ECE2: variants seen among roughly 807,000 people sequenced by gnomAD.
The protein encoded by ECE2 is endothelin converting enzyme 2.
Under a neutral mutation model 100.6 loss-of-function variants are expected in ECE2, and 81 were observed. The ratio of observed to expected loss-of-function variants is 0.81; its 90% CI spans 0.67 to 0.97. ECE2 has a LOEUF of 0.97. ECE2 is among the 50% of genes least tolerant of loss of function. The pLI is 0.00. For missense variants in ECE2, 911 were observed against 988.1 expected, an observed-to-expected ratio of 0.92 and a Z score of 1.05; for synonymous variants, 391 against 391.5, an observed-to-expected ratio of 1.00 and a Z score of 0.02.
intron 16 of ECE2, 53 bp downstream of exon 16, chr3:184,290,913 C>T (rs1721280940): frequency 6.2e-7 from 1 of 1,612,160 alleles, no homozygotes; most frequent in African/African-American, 1.3e-5. Context: ...GTGGCTCCTG[C>T]AAGGCCTTGG....
At position 184,276,082 on chromosome 3, in the gene ECE2, G is replaced by C. The variant is rs1385427469; in HGVS notation, c.-72G>C. On this transcript the variant is annotated 5_prime_UTR_variant, in exon 1 of 19. Transcript: ENST00000404464. ...GGCTGGTGACGGCGGGGCCGGGCAG[G>C]GGACCGGGGCCGCGGCCCGGGAGCG... The C allele has an allele frequency of 1.5e-5, 18 of 1,235,550 alleles. No individual in the cohort carries two copies. In the East Asian group the frequency reaches 5.8e-4, roughly 40 times the overall value. 76.5% of individuals were successfully genotyped at this position (1,235,550 alleles called of 1,614,324 possible). A position where few individuals can be genotyped will look rare whatever the true frequency, so the allele number is the denominator to read the frequency against.
At position 184,285,532 on chromosome 3, in the gene ECE2, G is replaced by C; in HGVS notation, c.1203G>C (p.Leu401=). Reference sequence around the variant, plus strand: ...TGGTGCAAAAGACAACCTCAAGCCTGGACCGACGCTTTGAGTCTGCACAAG... The same window carrying C: ...TGGTGCAAAAGACAACCTCAAGCCTCGACCGACGCTTTGAGTCTGCACAAG... ...WNLVQKTTSS[L]DRRFESAQEK... Residue 401 remains leucine (L), a synonymous_variant, in exon 10 of 19, where the codon CTG becomes CTC. Transcript: ENST00000404464. The C allele has an allele frequency of 6.2e-7, 1 of 1,614,196 alleles. No homozygotes were observed. Among genetic ancestry groups the C allele is most frequent in the Non-Finnish European group, 8.5e-7 (1 of 1,180,038 alleles).
At chr3:184,288,309 C>CAAAAAAAAAAAAAAAAAAAAAAAAAA (rs10608428) in intron 11 of ECE2, among the ~76,000 whole-genome samples, 1 of 91,472 alleles carries the variant, frequency 1.1e-5, no homozygotes. Flanking sequence ...AACTCTGTCT[C>CAAAAAAAAAAAAAAAAAAAAAAAAAA]AAAAAAAAAA....
In ECE2 at chr3:184,292,472, TCACC is replaced by T; in HGVS notation, c.*236_*239del. 1 of 562,196 alleles carries T rather than the reference TCACC, an allele frequency of 1.8e-6. No individual in the cohort carries two copies. Among genetic ancestry groups the T allele is most frequent in the East Asian group, 2.9e-5 (1 of 34,306 alleles). The allele number at this position is 562,196 out of a possible 1,614,324, so 34.8% of individuals were successfully genotyped here. ...CCATTCACTGTGACATCTTTCCGTG[TCACC>T]CTGCCTGGAAGAGGTCTGGGTGGGG... On this transcript the variant is annotated 3_prime_UTR_variant, in exon 19 of 19. Transcript: ENST00000404464.
At position 184,291,818 on chromosome 3, in the gene ECE2, T is replaced by C; in HGVS notation, c.2122-244T>C. 3 of 551,654 alleles carry C rather than the reference T, an allele frequency of 5.4e-6. No homozygotes were observed. The highest frequency in any genetic ancestry group is 5.5e-5 in the South Asian group (2 of 36,542). 34.2% of individuals were successfully genotyped at this position (551,654 alleles called of 1,614,324 possible). ...TGTCCAGGGCTGCCCAGGAATAGAG[T>C]AAGTGGCAGAGCAAGGACCCAGGCA... is the stretch of plus-strand genomic sequence containing the variant. On this transcript the variant is annotated intron_variant, in intron 18 of 18. Transcript: ENST00000404464. This position sits in a 1 kb window ranked among gnomAD's most constrained non-coding sequence, Gnocchi z 4.1.
chr3:184,287,751 G>C lies in ECE2; in HGVS notation c.1264-86G>C, dbSNP rs1031270248. 2.5e-6 allele frequency: 3 copies of C among 1,205,510 alleles called. No homozygotes were observed. In the African/African-American group the frequency reaches 4.5e-5, roughly 18 times the overall value. 74.7% of individuals were successfully genotyped at this position (1,205,510 alleles called of 1,614,324 possible). A position where few individuals can be genotyped will look rare whatever the true frequency, so the allele number is the denominator to read the frequency against. ...CAGGACTCTTGTCCAGAGCTGAGAAGGGCTGCTAGCCCCAGTGACAGAGAA... is the reference window on the plus strand; with the variant it reads ...CAGGACTCTTGTCCAGAGCTGAGAACGGCTGCTAGCCCCAGTGACAGAGAA... On this transcript the variant is annotated intron_variant, in intron 10 of 18. Coordinates refer to ENST00000404464, the MANE Select transcript of ECE2 (RefSeq NM_001100121.2).
chr3:184,284,497 G>C (rs1720946761), intron 8 of ECE2, among the ~76,000 whole-genome samples: 1 of 149,008 alleles, frequency 6.7e-6, no homozygotes, highest in Non-Finnish European at 1.5e-5. Context: ...AGCTGAGATT[G>C]CGCCATTGCA....
rs1159561357 is a variant in ECE2 at position 184,277,451 on chromosome 3, C to T, written c.463C>T (p.Leu155=). The T allele has an allele frequency of 1.9e-6, 3 of 1,614,108 alleles. No homozygotes were observed. The highest frequency in any genetic ancestry group is 2.5e-6 in the Non-Finnish European group (3 of 1,179,982). ...CCTCTGGGACCAAAACCAGGCCATA[C>T]TGAAGCACCTGCTTGGTGAGTGGGG... is the stretch of plus-strand genomic sequence containing the variant. ...NSLWDQNQAI[L]KHLLENTTFN... is the part of the protein sequence containing the mutation. The change falls in exon 4 of 19, where the codon CTG becomes TTG. Residue 155 remains leucine, a synonymous_variant. Coordinates refer to ENST00000404464, the MANE Select transcript of ECE2 (RefSeq NM_001100121.2).
chr3:184,287,241 A>G (rs966583948), intron 10 of ECE2, among the ~76,000 whole-genome samples: 3 of 150,562 alleles, frequency 2.0e-5, no homozygotes, highest in African/African-American at 4.9e-5. Context: ...GCACCACTGC[A>G]CTCCAGTCTG....
In ECE2 at chr3:184,290,543, T is replaced by C; in HGVS notation, c.1656-14T>C. ...AGAGTCGGGAGCCTCAGCCCCTCAC[T>C]CTTCCTCCGCCAGGTGGAGCATGAC... is the stretch of plus-strand genomic sequence containing the variant. On this transcript the variant is annotated splice_polypyrimidine_tract_variant and intron_variant, in intron 14 of 18. Coordinates refer to ENST00000404464, the MANE Select transcript of ECE2 (RefSeq NM_001100121.2). 1 of 1,612,340 alleles carries C rather than the reference T, an allele frequency of 6.2e-7. No homozygotes were observed. The highest frequency in any genetic ancestry group is 1.1e-5 in the South Asian group (1 of 90,942).
rs768733803 is a variant in ECE2, at chr3:184,292,206, A to G, written c.2266A>G (p.Met756Val). The G allele has an allele frequency of 3.1e-6, 5 of 1,613,940 alleles. No individual in the cohort carries two copies. The highest frequency in any genetic ancestry group is 8.5e-7 in the Non-Finnish European group (1 of 1,180,018). ...RHFGCPVGSP[M>V]NPGQLCEVW is the part of the protein sequence containing the mutation. Reference sequence around the variant, plus strand: ...CTTCGGCTGCCCTGTCGGCTCCCCCATGAACCCAGGGCAGCTGTGTGAGGT... The same window carrying G: ...CTTCGGCTGCCCTGTCGGCTCCCCCGTGAACCCAGGGCAGCTGTGTGAGGT... The change falls in exon 19 of 19, where the codon ATG (methionine) becomes GTG (valine). Residue 756 changes from methionine to valine, a missense_variant. Physicochemically the swap from Met to Val is conservative, Grantham distance 21. Coordinates refer to ENST00000404464, the MANE Select transcript of ECE2 (RefSeq NM_001100121.2).
rs73887428 is a variant in ECE2 at position 184,278,584 on chromosome 3, C to T, written c.816+27C>T. On this transcript the variant is annotated intron_variant, in intron 7 of 18. Coordinates refer to ENST00000404464, the MANE Select transcript of ECE2 (RefSeq NM_001100121.2). The stretch of plus-strand genomic sequence containing the variant: ...TAAGGAACATCTTCCGAACCCCCAT[C>T]CCTACCCCTGGCTGAGCTGGGCTGA... The T allele has an allele frequency of 4.4e-4, 707 of 1,613,144 alleles. 5 individuals carry two copies. The African/African-American group carries it at 8.6e-3, about 20-fold the overall frequency.
At position 184,278,329 on chromosome 3, in the gene ECE2, A is replaced by G; in HGVS notation, c.750+16A>G. ...TGTTATCCAGGTGATGAGCTGGGAAAGGGTGGGGAGAGACTTAGGGACACT... is the reference window on the plus strand; with the variant it reads ...TGTTATCCAGGTGATGAGCTGGGAAGGGGTGGGGAGAGACTTAGGGACACT... On this transcript the variant is annotated intron_variant, in intron 6 of 18. Transcript: ENST00000404464. 6.2e-7 allele frequency: 1 copy of G among 1,612,876 alleles called. No individual in the cohort carries two copies. The highest frequency in any genetic ancestry group is 8.5e-7 in the Non-Finnish European group (1 of 1,179,402).
rs923311679 is a variant in ECE2, at chr3:184,279,837, A to G, written c.816+1280A>G. ...GGAGTTTATTCTGTAGCTCCCGGAG[A>G]GCCATTGCATGCTCCAAAGTAGGGA... On this transcript the variant is annotated intron_variant, in intron 7 of 18. Coordinates refer to ENST00000404464, the MANE Select transcript of ECE2 (RefSeq NM_001100121.2). Among the ~76,000 whole-genome samples, 3 of 152,162 alleles carry G rather than the reference A, an allele frequency of 2.0e-5. No homozygotes were observed. In the South Asian group the frequency reaches 6.2e-4, roughly 32 times the overall value.
Position 184,278,188 on chromosome 3 carries a change from G to A in ECE2, c.625G>A (p.Gly209Arg), listed in dbSNP as rs1270644579. The part of the protein sequence containing the change: ...IEKIGGWNIT[G>R]PWDQDNFMEV... ...ATAGATTGGTGGTTGGAACATTACG[G>A]GGCCCTGGGACCAGGACAACTTTAT... The change falls in exon 6 of 19, where the codon GGG becomes AGG. Residue 209 changes from glycine (G) to arginine (R), a missense_variant. Coordinates refer to ENST00000404464, the MANE Select transcript of ECE2 (RefSeq NM_001100121.2). 1.2e-6 allele frequency: 2 copies of A among 1,614,118 alleles called. No individual in the cohort carries two copies. Among genetic ancestry groups the A allele is most frequent in the Non-Finnish European group, 1.7e-6 (2 of 1,180,022 alleles).
At chr3:184,278,410 C>T in intron 6 of ECE2, 82 bp from the exon 7 acceptor site, 1 of 1,587,866 alleles carries the variant, frequency 6.3e-7, no homozygotes, top group South Asian at 1.2e-5. Flanking sequence ...GACCCCCCGG[C>T]CCCACCCCTA....
At chr3:184,278,440 G>C (rs989450641) in intron 6 of ECE2, 52 bp from the exon 7 acceptor site, 1 of 1,603,166 alleles carries the variant, frequency 6.2e-7, no homozygotes, top group Non-Finnish European at 8.5e-7. Flanking sequence ...GGGAATTCAG[G>C]TTCCCATGGT....
intron 1 of ECE2, 36 bp from the exon 2 acceptor site, chr3:184,276,445 G>A (rs1274780829): frequency 6.3e-7 from 1 of 1,584,546 alleles, no homozygotes; most frequent in Non-Finnish European, 8.6e-7. Context: ...AGCCCTCTCT[G>A]CCTGACCTCG....
At position 184,276,998 on chromosome 3, in the gene ECE2, T is replaced by A. The variant is rs778852694; in HGVS notation, c.233T>A (p.Leu78His). Residue 78 changes from leucine to histidine, a missense_variant, in exon 3 of 19, where the codon CTT becomes CAT. By Grantham distance (99) the Leu-to-His change is moderately conservative. Coordinates refer to ENST00000404464, the MANE Select transcript of ECE2 (RefSeq NM_001100121.2). ...LLLAALLLGC[L>H]VALGVQYHRD... is the part of the protein sequence containing the mutation. Reference sequence around the variant, plus strand: ...CTGGCTGCACTGCTTCTGGGCTGCCTTGTGGCCCTAGGGGTCCAGTACCAC... The same window carrying A: ...CTGGCTGCACTGCTTCTGGGCTGCCATGTGGCCCTAGGGGTCCAGTACCAC... 1 of 1,613,972 alleles carries A rather than the reference T, an allele frequency of 6.2e-7. No individual in the cohort carries two copies.
Sources: allele counts gnomAD v4.1 joint callset (sites outside exome capture counted in the v4.1 genomes callset), GRCh38; gene constraint gnomAD v4.1.1; non-coding constraint Gnocchi (gnomAD v3.1); transcripts MANE v1.5; gene names NCBI Gene and HGNC (gene_info 2026-07-23, HGNC 2026-07-21).